Variants in PRDM15 observed in about 807,000 individuals in gnomAD.
The protein encoded by PRDM15 is PR/SET domain 15, also known as PR domain zinc finger protein 15.
PRDM15 carries 64 observed loss-of-function variants against 128.6 expected under a neutral mutation model. The ratio of observed to expected loss-of-function variants is 0.50; its 90% CI spans 0.41 to 0.61. The LOEUF is 0.61. Among genes scored for constraint, PRDM15 ranks in the 20% least tolerant of loss-of-function variants. PRDM15 has a pLI of 0.00. For missense variants in PRDM15, 1,242 were observed against 1,569.1 expected (o/e 0.79, Z 3.52); for synonymous variants, 615 against 621.8 (o/e 0.99, Z 0.16).
intron 1 of PRDM15, among the ~76,000 whole-genome samples, chr21:41,866,558 T>C (rs760222247): frequency 6.6e-5 from 10 of 152,224 alleles, no homozygotes; most frequent in Non-Finnish European, 1.3e-4. Flanking sequence ...GTTCACGTAC[T>C]TGAAAGAAAG....
At position 41,821,238 on chromosome 21, in the gene PRDM15, C is replaced by A; in HGVS notation, c.1897-8G>T. The A allele has an allele frequency of 6.2e-7, 1 of 1,614,002 alleles. No individual in the cohort carries two copies. Among genetic ancestry groups the A allele is most frequent in the Non-Finnish European group, 8.5e-7 (1 of 1,180,014 alleles). ...CCCCCGGCCGAAGGTGAGCTGCGGG[C>A]CAGGTGGACAGGGCACTGCTGACAC... On this transcript the variant is annotated splice_region_variant and splice_polypyrimidine_tract_variant and intron_variant, in intron 15 of 23. Coordinates refer to ENST00000398548, the MANE Select transcript of PRDM15 (RefSeq NM_001040424.3). This position sits in a 1 kb window ranked among gnomAD's most constrained non-coding sequence, Gnocchi z 5.4.
intron 11 of PRDM15, among the ~76,000 whole-genome samples, chr21:41,831,325 C>T (rs1442897596): frequency 3.3e-5 from 5 of 152,212 alleles, no homozygotes; most frequent in African/African-American, 9.7e-5. Flanking sequence ...CCCTGTGCAC[C>T]GTGGGATGCT....
chr21:41,819,517 T>C, intron 18 of PRDM15, 65 bp downstream of exon 18: 2 of 1,173,532 alleles, frequency 1.7e-6, no homozygotes, highest in Non-Finnish European at 1.1e-6. Context: ...TCATGTCCCC[T>C]TCCAGCACCC....
At position 41,819,471 on chromosome 21, in the gene PRDM15, C is replaced by T. The variant is rs918494399; in HGVS notation, c.2260+111G>A. The T allele has an allele frequency of 1.9e-5, 13 of 694,248 alleles. No individual in the cohort carries two copies. The South Asian group carries it at 2.1e-4, about 11-fold the overall frequency. The allele number at this position is 694,248 out of a possible 1,614,324, so 43.0% of individuals were successfully genotyped here. ...GGCCCGTGGCCCCGGCCCCCGCCCC[C>T]GCCACACCCACCTTCCCCACACTCC... On this transcript the variant is annotated intron_variant, in intron 18 of 23. Transcript: ENST00000398548.
chr21:41,819,615 C>T lies in PRDM15; in HGVS notation c.2227G>A (p.Val743Ile), dbSNP rs746926665. 4.5e-5 allele frequency: 72 copies of T among 1,612,764 alleles called. No individual in the cohort carries two copies. In the African/African-American group the frequency reaches 5.2e-4, roughly 12 times the overall value. The part of the protein sequence containing the change: ...LKEHMRVHDN[V>I]REYLCAECGK... ...CACTCGGCACACAGGTACTCGCGGA[C>T]ATTGTCGTGCACACGCATGTGCTCC... Residue 743 changes from valine (V) to isoleucine (I), a missense_variant, in exon 18 of 24, where the codon GTC becomes ATC. By Grantham distance (29) the Val-to-Ile change is conservative (BLOSUM62 3). Transcript: ENST00000398548.
chr21:41,802,774 CTT>C lies in PRDM15; in HGVS notation c.2879_2880del (p.Lys960ArgfsTer28). 3 of 1,614,252 alleles carry C rather than the reference CTT, an allele frequency of 1.9e-6. No individual in the cohort carries two copies. Among genetic ancestry groups the C allele is most frequent in the Non-Finnish European group, 2.5e-6 (3 of 1,180,044 alleles). On this transcript the variant is annotated frameshift_variant, in exon 23 of 24. Transcript: ENST00000398548. LOFTEE classifies it high-confidence loss of function. ...CCTACACTGCCTGTGAACTCCGTCT[CTT>C]TCTCTGAGTATTCGCTGAAGGTGGC... Reference protein sequence around the residue: ...EDATFSEYSEKETEFTGSVGD... With the variant: ...EDATFSEYSEXETEFTGSVGD...
intron 1 of PRDM15, chr21:41,867,151 T>G: frequency 1.6e-6 from 1 of 627,566 alleles, no homozygotes; most frequent in South Asian, 2.0e-5. Flanking sequence ...GAAACCTCAC[T>G]GACTATCTGA....
rs2063288601 is a variant in PRDM15, at chr21:41,847,089, C to T, written c.640+1G>A. 3 of 1,541,820 alleles carry T rather than the reference C, an allele frequency of 1.9e-6. No homozygotes were observed. The highest frequency in any genetic ancestry group is 4.9e-5 in the East Asian group (2 of 40,984). On this transcript the variant is annotated splice_donor_variant, in intron 6 of 23. Coordinates refer to ENST00000398548, the MANE Select transcript of PRDM15 (RefSeq NM_001040424.3). LOFTEE classifies it high-confidence loss of function. ...TGGGGCTCCCCACACGTCCTCCTTACCATTGAGGAGCTGCAGCTCCAGGAA... is the reference window on the plus strand; with the variant it reads ...TGGGGCTCCCCACACGTCCTCCTTATCATTGAGGAGCTGCAGCTCCAGGAA...
chr21:41,852,104 G>C (rs2063447006), intron 5 of PRDM15, among the ~76,000 whole-genome samples: 1 of 152,204 alleles, frequency 6.6e-6, no homozygotes, highest in Admixed American at 6.5e-5. Context: ...TAAATCTATT[G>C]TTTCAAACTC....
chr21:41,839,311 C>T (rs890371018), intron 7 of PRDM15, among the ~76,000 whole-genome samples: 1 of 152,222 alleles, frequency 6.6e-6, no homozygotes, highest in Non-Finnish European at 1.5e-5. Context: ...TGAACTCGTA[C>T]AGAAGACAGT....
chr21:41,861,419 G>A (rs983915772), intron 1 of PRDM15: 11 of 668,046 alleles, frequency 1.6e-5, no homozygotes, highest in African/African-American at 1.3e-4. Flanking sequence ...TTCATTCTGG[G>A]GCCTCACATT....
At chr21:41,837,670 A>G (rs1358289872) in intron 8 of PRDM15, among the ~76,000 whole-genome samples, 1 of 152,192 alleles carries the variant, frequency 6.6e-6, no homozygotes, top group African/African-American at 2.4e-5. Context: ...GCACTTAAAC[A>G]TGGTTAAAAT....
At chr21:41,874,682 A>G (rs1309301606) in intron 1 of PRDM15, 1 of 151,974 alleles carries the variant, frequency 6.6e-6, no homozygotes, top group Non-Finnish European at 1.5e-5. Context: ...ATCAAGAATT[A>G]AGGACCCTGA....
chr21:41,802,268 G>A (rs1158419362), intron 23 of PRDM15, among the ~76,000 whole-genome samples: 2 of 152,202 alleles, frequency 1.3e-5, no homozygotes, highest in African/African-American at 4.8e-5. Context: ...AGTGACGAAG[G>A]CTGAGCAAGA....
chr21:41,857,423 C>A, intron 3 of PRDM15, 94 bp from the exon 4 acceptor site: 1 of 1,326,096 alleles, frequency 7.5e-7, no homozygotes, highest in Non-Finnish European at 1.0e-6. Flanking sequence ...CACTGACCGC[C>A]AGGGTTCTTC....
rs549046727 is a variant in PRDM15, at chr21:41,824,211, G to C, written c.1630-762C>G. Among the ~76,000 whole-genome samples, 77 of 152,296 alleles carry C rather than the reference G, an allele frequency of 5.1e-4. No homozygotes were observed. The Middle Eastern group carries it at 0.01, about 20-fold the overall frequency. On this transcript the variant is annotated intron_variant, in intron 13 of 23. Transcript: ENST00000398548. ...AGAACAGATGAATGAAAAGAAATGA[G>C]TGATTCGCTAGGGAGAGGATGCCGG...
chr21:41,844,229 AG>A (rs2063160003), intron 6 of PRDM15, among the ~76,000 whole-genome samples: 1 of 152,074 alleles, frequency 6.6e-6, no homozygotes, highest in Admixed American at 6.5e-5. Flanking sequence ...CCTTCTCTGA[AG>A]GCTTGTGCAG....
chr21:41,852,754 G>A (rs752895020), intron 5 of PRDM15, among the ~76,000 whole-genome samples: 13 of 152,150 alleles, frequency 8.5e-5, no homozygotes, highest in South Asian at 8.3e-4. Context: ...CATCCCCAGC[G>A]GCCCCTCTCC....
In PRDM15 at chr21:41,836,536, T is replaced by A; in HGVS notation, c.1115A>T (p.Tyr372Phe). The change falls in exon 9 of 24, where the codon TAC becomes TTC. Residue 372 changes from tyrosine (Y) to phenylalanine (F), a missense_variant. This residue lies in a region of PRDM15 where 612 missense variants were observed against 717.0 expected (regional missense o/e 0.85). Coordinates refer to ENST00000398548, the MANE Select transcript of PRDM15 (RefSeq NM_001040424.3). ...IKQLGEHKRV[Y>F]QCNICSKIFQ... is the part of the protein sequence containing the mutation. Reference sequence around the variant, plus strand: ...GATCTTGCTGCAGATATTGCACTGGTAAACCCGCTTGTGCTCCCCGAGCTG... The same window carrying A: ...GATCTTGCTGCAGATATTGCACTGGAAAACCCGCTTGTGCTCCCCGAGCTG... 6.2e-7 allele frequency: 1 copy of A among 1,612,864 alleles called. No homozygotes were observed. The highest frequency in any genetic ancestry group is 8.5e-7 in the Non-Finnish European group (1 of 1,179,968).
Sources: allele counts gnomAD v4.1 joint callset (sites outside exome capture counted in the v4.1 genomes callset), GRCh38; gene constraint gnomAD v4.1.1; regional missense constraint gnomAD v4.1.1; non-coding constraint Gnocchi (gnomAD v3.1); transcripts MANE v1.5; gene names NCBI Gene and HGNC (gene_info 2026-07-23, HGNC 2026-07-21).